The following TBC1D4 variants were observed in gnomAD, a reference collection of about 807,000 sequenced individuals.
TBC1D4 encodes TBC1 domain family member 4.
A neutral mutation model predicts 142.5 loss-of-function variants in TBC1D4; 121 were observed. The observed-to-expected ratio is 0.85, with a 90% CI of 0.73 to 0.99. TBC1D4 has a LOEUF of 0.99. Ranked by LOEUF, TBC1D4 falls within the 50% of genes least tolerant of loss-of-function variation. The probability of loss-of-function intolerance (pLI) is 0.00; values close to 1 mark genes in which losing one functional copy is unlikely to be tolerated. For synonymous variants in TBC1D4, 630 were observed against 628.2 expected (o/e 1.00, Z -0.04); for missense variants, 1,475 against 1,606.6 (o/e 0.92, Z 1.40).
chr13:75,351,228 T>C (rs1881559419), intron 4 of TBC1D4, among the ~76,000 whole-genome samples: 1 of 152,194 alleles, frequency 6.6e-6, no homozygotes, highest in African/African-American at 2.4e-5. Context: ...ATTTACACTA[T>C]ATATCAAACT....
chr13:75,297,806 T>C (rs1425276340), intron 17 of TBC1D4, among the ~76,000 whole-genome samples: 4 of 151,814 alleles, frequency 2.6e-5, no homozygotes, highest in African/African-American at 9.7e-5. Context: ...GTAAACTCTT[T>C]AGGAATAAAA....
In TBC1D4 at chr13:75,395,055, G is replaced by C. The variant is rs61960779; in HGVS notation, c.499-32448C>G. On this transcript the variant is annotated intron_variant, in intron 1 of 20. Transcript: ENST00000377636. ...ACTAAGTACAGAAGTATGTTTGCAG[G>C]CAGTGTGTGTGAAATCAAAAAATAT... is the stretch of plus-strand genomic sequence containing the variant. Among the ~76,000 whole-genome samples, 4 of 152,192 alleles carry C rather than the reference G, an allele frequency of 2.6e-5. No individual in the cohort carries two copies. The South Asian group carries it at 8.3e-4, about 32-fold the overall frequency.
At chr13:75,473,783 A>G (rs983649307) in intron 1 of TBC1D4, among the ~76,000 whole-genome samples, 3 of 152,250 alleles carry the variant, frequency 2.0e-5, no homozygotes, top group Admixed American at 6.5e-5. Flanking sequence ...AAATGAAACC[A>G]ACCAAAGTTT....
chr13:75,357,684 T>C (rs1160722545), intron 3 of TBC1D4, among the ~76,000 whole-genome samples: 1 of 152,194 alleles, frequency 6.6e-6, no homozygotes, highest in Non-Finnish European at 1.5e-5. Flanking sequence ...CGACAGATTT[T>C]GAAGAAAGAA....
chr13:75,398,472 A>G (rs1437418015), intron 1 of TBC1D4, among the ~76,000 whole-genome samples: 1 of 152,186 alleles, frequency 6.6e-6, no homozygotes, highest in Non-Finnish European at 1.5e-5. Context: ...TGAACTGGCA[A>G]ACAATGAGGA....
chr13:75,376,437 G>A (rs1349971944), intron 1 of TBC1D4, among the ~76,000 whole-genome samples: 1 of 150,998 alleles, frequency 6.6e-6, no homozygotes, highest in Non-Finnish European at 1.5e-5. Context: ...GAGTGCAATG[G>A]TGCGATCTTG....
intron 1 of TBC1D4, among the ~76,000 whole-genome samples, chr13:75,382,193 G>A (rs1183832533): frequency 6.6e-6 from 1 of 152,114 alleles, no homozygotes; most frequent in Non-Finnish European, 1.5e-5. Context: ...AGATTAATCA[G>A]CCTAAATCAA....
At chr13:75,318,921 G>GA (rs1358271864) in intron 12 of TBC1D4, among the ~76,000 whole-genome samples, 2 of 151,798 alleles carry the variant, frequency 1.3e-5, no homozygotes, top group Admixed American at 6.6e-5. Flanking sequence ...GACCTAAGCT[G>GA]AAAAAAAATC....
chr13:75,382,399 C>T (rs1883903052), intron 1 of TBC1D4, among the ~76,000 whole-genome samples: 1 of 152,188 alleles, frequency 6.6e-6, no homozygotes, highest in African/African-American at 2.4e-5. Flanking sequence ...CAACACTGCT[C>T]CAACTTTTTT....
At position 75,481,575 on chromosome 13, in the gene TBC1D4, G is replaced by A; in HGVS notation, c.193C>T (p.Arg65Cys). The A allele has an allele frequency of 6.2e-7, 1 of 1,601,918 alleles. No homozygotes were observed. The highest frequency in any genetic ancestry group is 8.5e-7 in the Non-Finnish European group (1 of 1,174,566). The change falls in exon 1 of 21, where the codon CGC (arginine) becomes TGC (cysteine). Residue 65 changes from arginine to cysteine, a missense_variant. Transcript: ENST00000377636. Reference protein sequence around the residue: ...LPWLMAEIRRRSQKPEAGGCG... With the variant: ...LPWLMAEIRRCSQKPEAGGCG... ...CCGCCCGCCTCGGGCTTCTGGCTGC[G>A]CCTGCGGATCTCGGCCATGAGCCAG...
rs1877593236 is a variant in TBC1D4, at chr13:75,310,097, T to C, written c.2438A>G (p.Glu813Gly). 1.9e-6 allele frequency: 3 copies of C among 1,613,962 alleles called. No homozygotes were observed. The Admixed American group carries it at 5.0e-5, about 27-fold the overall frequency. Residue 813 changes from glutamate (E) to glycine (G), a missense_variant, in exon 14 of 21, where the codon GAG becomes GGG. By Grantham distance (98) the Glu-to-Gly change is moderately conservative (BLOSUM62 -2). Around this residue, in one of 2 missense-constraint regions of TBC1D4, gnomAD observed 1,227 missense variants for 1,267.7 expected, o/e 0.97. Transcript: ENST00000377636. ...CAGGAATACAACCAGCGGTTCCTCC[T>C]CCATGGTTGGAGAGAGGGGGGACAG... Reference protein sequence around the residue: ...LPLSPLSPTMEEEPLVVFLSG... With the variant: ...LPLSPLSPTMGEEPLVVFLSG...
chr13:75,334,221 C>T (rs1880006890), intron 8 of TBC1D4, among the ~76,000 whole-genome samples: 1 of 151,888 alleles, frequency 6.6e-6, no homozygotes, highest in South Asian at 2.1e-4. Context: ...TATGTCAACG[C>T]TCATATTGTC....
intron 1 of TBC1D4, among the ~76,000 whole-genome samples, chr13:75,458,712 A>C (rs1887839781): frequency 6.6e-6 from 1 of 152,054 alleles, no homozygotes; most frequent in South Asian, 2.1e-4. Context: ...CATTTCTACA[A>C]GTATAATTTT....
intron 1 of TBC1D4, among the ~76,000 whole-genome samples, chr13:75,384,709 A>T (rs1884071444): frequency 6.6e-6 from 1 of 152,096 alleles, no homozygotes; most frequent in Admixed American, 6.5e-5. Context: ...TAATCTATGA[A>T]TTTGTGGGCT....
chr13:75,329,728 T>C (rs924108031), intron 8 of TBC1D4, among the ~76,000 whole-genome samples: 1 of 152,214 alleles, frequency 6.6e-6, no homozygotes, highest in African/African-American at 2.4e-5. Flanking sequence ...AAAATGTACA[T>C]GTCCATAAAT....
intron 5 of TBC1D4, among the ~76,000 whole-genome samples, chr13:75,342,537 G>T (rs1880800118): frequency 6.6e-6 from 1 of 152,094 alleles, no homozygotes; most frequent in Admixed American, 6.5e-5. Context: ...ATTTTATCAA[G>T]AAATCATTTA....
chr13:75,391,179 A>C, intron 1 of TBC1D4, among the ~76,000 whole-genome samples: 12 of 112,028 alleles, frequency 1.1e-4, no homozygotes, highest in East Asian at 2.7e-4. Flanking sequence ...TCTCTACTCT[A>C]TCCTCCCCAT....
chr13:75,413,801 T>C (rs1885790913), intron 1 of TBC1D4, among the ~76,000 whole-genome samples: 2 of 152,300 alleles, frequency 1.3e-5, no homozygotes, highest in South Asian at 4.1e-4. Context: ...CACAGTACCC[T>C]AGCTTTTAAC....
chr13:75,309,870 G>A, intron 14 of TBC1D4, 72 bp downstream of exon 14: 8 of 1,475,262 alleles, frequency 5.4e-6, no homozygotes, highest in Middle Eastern at 3.6e-4. Context: ...TATGTATGGG[G>A]AGAGAAAGGT....
Sources: allele counts gnomAD v4.1 joint callset (sites outside exome capture counted in the v4.1 genomes callset), GRCh38; gene constraint gnomAD v4.1.1; regional missense constraint gnomAD v4.1.1; transcripts MANE v1.5; gene names NCBI Gene and HGNC (gene_info 2026-07-23, HGNC 2026-07-21).